The following PIR variants were observed in gnomAD, a reference collection of about 807,000 sequenced individuals.
The protein encoded by PIR is pirin, also known as pirin (iron-binding nuclear protein).
In PIR, 22 loss-of-function variants were observed where a neutral mutation model predicts 24.2. The observed-to-expected ratio is 0.91, with a 90% CI of 0.65 to 1.30. The LOEUF (loss-of-function observed/expected upper bound fraction) is 1.30. Among genes scored for constraint, PIR ranks in the 50% most tolerant of loss-of-function variants. The pLI is 0.00. For synonymous variants in PIR, 80 were observed against 79.6 expected (o/e 1.00, Z -0.03); for missense variants, 220 against 220.3 (o/e 1.00, Z 0.01).
In PIR at chrX:15,427,860, C is replaced by CAT. The variant is rs59887338; in HGVS notation, c.481-1872_481-1871dup. Among the ~76,000 whole-genome samples, 203 of 107,932 alleles carry CAT rather than the reference C, an allele frequency of 1.9e-3. 1 individual carries two copies. The highest frequency in any genetic ancestry group is 5.9e-3 in the African/African-American group (174 of 29,705). 93.7% of individuals were successfully genotyped at this position (107,932 alleles called of 115,157 possible). A position where few individuals can be genotyped will look rare whatever the true frequency, so the allele number is the denominator to read the frequency against. On this transcript the variant is annotated intron_variant, in intron 5 of 9. Coordinates refer to ENST00000380420, the MANE Select transcript of PIR (RefSeq NM_001018109.3). ...GTGTGCATATGTGTGTGTATGTATA[C>CAT]ATATATATATATATGGGGTATTCAT... is the stretch of plus-strand genomic sequence containing the variant.
At chrX:15,471,860 T>C (rs1329814809) in intron 3 of PIR, among the ~76,000 whole-genome samples, 1 of 112,226 alleles carries the variant, frequency 8.9e-6, no homozygotes. Flanking sequence ...ACTCACTATT[T>C]TAATATCCTT....
At chrX:15,401,731 T>C (rs1384372361) in intron 7 of PIR, among the ~76,000 whole-genome samples, 1 of 112,284 alleles carries the variant, frequency 8.9e-6, no homozygotes, top group Non-Finnish European at 1.9e-5. Flanking sequence ...TAAATAGTCA[T>C]AAAAGGGTGA....
chrX:15,465,378 T>C (rs1921513471), intron 3 of PIR, among the ~76,000 whole-genome samples: 1 of 112,105 alleles, frequency 8.9e-6, no homozygotes, highest in Non-Finnish European at 1.9e-5. Flanking sequence ...ACTGAGACTT[T>C]ACATATAAAT....
intron 5 of PIR, among the ~76,000 whole-genome samples, chrX:15,437,495 T>C (rs1239101822): frequency 8.9e-6 from 1 of 111,996 alleles, no homozygotes; most frequent in Non-Finnish European, 1.9e-5. Context: ...AGAGCCCCTG[T>C]ATATTAGGTG....
intron 2 of PIR, among the ~76,000 whole-genome samples, chrX:15,483,342 T>G (rs1031611264): frequency 1.8e-5 from 2 of 110,587 alleles, no homozygotes; most frequent in Admixed American, 1.9e-4. Flanking sequence ...TTCAAATTAT[T>G]TATTGAATCC....
At chrX:15,407,697 A>T in intron 6 of PIR, 147 bp from the exon 7 acceptor site, 1 of 474,080 alleles carries the variant, frequency 2.1e-6, no homozygotes. Context: ...AAGTTCTGTG[A>T]ACTGTTTAAA....
intron 7 of PIR, among the ~76,000 whole-genome samples, chrX:15,403,436 A>G (rs1203133930): frequency 8.9e-6 from 1 of 112,273 alleles, no homozygotes; most frequent in Non-Finnish European, 1.9e-5. Context: ...AAACTGTACC[A>G]AGCTACAAGG....
intron 2 of PIR, among the ~76,000 whole-genome samples, chrX:15,490,742 C>G (rs1923108654): frequency 8.9e-6 from 1 of 112,024 alleles, no homozygotes; most frequent in African/African-American, 3.2e-5. Flanking sequence ...GAGGCCTGAT[C>G]TATGCTCAAC....
At chrX:15,436,104 T>C (rs1405350203) in intron 5 of PIR, among the ~76,000 whole-genome samples, 1 of 112,146 alleles carries the variant, frequency 8.9e-6, no homozygotes, top group Non-Finnish European at 1.9e-5. Flanking sequence ...CTTTGTAGGG[T>C]GGGAGTTAGA....
chrX:15,478,847 C>T (rs1358324259), intron 3 of PIR, among the ~76,000 whole-genome samples: 3 of 111,715 alleles, frequency 2.7e-5, no homozygotes, highest in Admixed American at 9.6e-5. Flanking sequence ...CCTACACCAA[C>T]GCCTGCATAT....
chrX:15,430,048 T>G (rs753162840), intron 5 of PIR, among the ~76,000 whole-genome samples: 1 of 111,863 alleles, frequency 8.9e-6, no homozygotes, highest in Non-Finnish European at 1.9e-5. Context: ...CAAAATAGAA[T>G]GATAATTTAA....
intron 8 of PIR, among the ~76,000 whole-genome samples, chrX:15,396,570 G>T (rs1924145431): frequency 9.0e-6 from 1 of 111,393 alleles, no homozygotes; most frequent in Admixed American, 9.6e-5. Flanking sequence ...TCACAACATG[G>T]TGACTGAATT....
At chrX:15,461,695 AT>A (rs1297187992) in intron 3 of PIR, among the ~76,000 whole-genome samples, 3 of 112,118 alleles carry the variant, frequency 2.7e-5, no homozygotes, top group Non-Finnish European at 5.6e-5. Flanking sequence ...AAGCAGGAGA[AT>A]CACTTCAACT....
chrX:15,447,405 C>T (rs774282313), intron 5 of PIR, among the ~76,000 whole-genome samples: 3 of 110,712 alleles, frequency 2.7e-5, no homozygotes, highest in Non-Finnish European at 3.8e-5. Flanking sequence ...AGCTCCGCCT[C>T]GCGGGTTCAC....
intron 2 of PIR, among the ~76,000 whole-genome samples, chrX:15,480,584 G>A (rs1279358507): frequency 8.9e-6 from 1 of 112,093 alleles, no homozygotes; most frequent in African/African-American, 3.2e-5. Flanking sequence ...ACATATGAGA[G>A]TGGGAAGGGA....
At chrX:15,452,444 A>G (rs1420376288) in intron 5 of PIR, among the ~76,000 whole-genome samples, 1 of 111,880 alleles carries the variant, frequency 8.9e-6, no homozygotes, top group African/African-American at 3.2e-5. Flanking sequence ...GCTCAGACAC[A>G]TACAACCTGG....
intron 4 of PIR, among the ~76,000 whole-genome samples, chrX:15,457,644 C>T (rs905603561): frequency 6.3e-5 from 7 of 111,626 alleles, no homozygotes; most frequent in African/African-American, 2.0e-4. Context: ...AGAGAAACAA[C>T]AGCATGTGAA....
At chrX:15,472,574 G>A (rs1921979827) in intron 3 of PIR, among the ~76,000 whole-genome samples, 1 of 112,056 alleles carries the variant, frequency 8.9e-6, no homozygotes, top group South Asian at 3.7e-4. Flanking sequence ...AACCACAAAA[G>A]GCCACATACC....
At chrX:15,398,688 G>GTGTGCA (rs1555952794) in intron 7 of PIR, among the ~76,000 whole-genome samples, 2 of 88,952 alleles carry the variant, frequency 2.2e-5, no homozygotes, top group African/African-American at 7.7e-5. Context: ...GTGTGTGTGT[G>GTGTGCA]TGTGTGTGTG....
Sources: gnomAD v4.1 joint callset for allele counts (sites outside exome capture counted in the v4.1 genomes callset) on GRCh38, gnomAD v4.1.1 for gene constraint, MANE v1.5 for transcripts, NCBI Gene and HGNC (gene_info 2026-07-23, HGNC 2026-07-21) for gene names.